Variants in CACNA1I observed in about 807,000 individuals in gnomAD.
The protein encoded by CACNA1I is voltage-dependent T-type calcium channel subunit alpha-1I.
Under a neutral mutation model 201.6 loss-of-function variants are expected in CACNA1I, and 74 were observed. The ratio of observed to expected loss-of-function variants is 0.37; its 90% CI spans 0.30 to 0.45. The LOEUF (loss-of-function observed/expected upper bound fraction) is 0.45. Ranked by LOEUF, CACNA1I falls within the 20% of genes least tolerant of loss-of-function variation. The pLI, the probability that CACNA1I is intolerant of heterozygous loss-of-function variation, is 1.00. For synonymous variants in CACNA1I, 1,431 were observed against 1,345.2 expected (o/e 1.06, Z -1.40); for missense variants, 2,346 against 3,138.1 (o/e 0.75, Z 6.03).
rs1225473859 is a variant in CACNA1I at position 39,687,103 on chromosome 22, CTT to C, written c.*700_*701del. 2 of 152,172 alleles carry C rather than the reference CTT, an allele frequency of 1.3e-5. No homozygotes were observed. Among genetic ancestry groups the C allele is most frequent in the African/African-American group, 4.8e-5 (2 of 41,418 alleles). The allele number at this position is 152,172 out of a possible 1,614,324, so 9.4% of individuals were successfully genotyped here. A position where few individuals can be genotyped will look rare whatever the true frequency, so the allele number is the denominator to read the frequency against. On this transcript the variant is annotated 3_prime_UTR_variant, in exon 37 of 37. Transcript: ENST00000402142. ...CTTAGTCCACCGGTTAGATGTCTCT[CTT>C]TAGAAAAATCAGGGGTGAGTAGCTG... is the stretch of plus-strand genomic sequence containing the variant.
intron 20 of CACNA1I, 137 bp from the exon 21 acceptor site, chr22:39,664,602 C>T (rs1935124841): frequency 3.5e-6 from 2 of 563,664 alleles, no homozygotes; most frequent in East Asian, 3.2e-5. Flanking sequence ...CCCTTCGGCC[C>T]CGCCACTTGC....
At chr22:39,601,165 G>A (rs713733) in intron 3 of CACNA1I, among the ~76,000 whole-genome samples, 55,388 of 152,068 alleles carry the variant, frequency 0.36, 11,883 homozygotes, top group Non-Finnish European at 0.49. Context: ...TCTGGGTCTT[G>A]TGCCTGCTTT....
In CACNA1I at chr22:39,570,800, C is replaced by A; in HGVS notation, c.48C>A (p.Ala16=). 6.2e-7 allele frequency: 1 copy of A among 1,613,086 alleles called. No individual in the cohort carries two copies. Among genetic ancestry groups the A allele is most frequent in the South Asian group, 1.1e-5 (1 of 91,032 alleles). The change falls in exon 1 of 37, where the codon GCC becomes GCA. Residue 16 remains alanine, a synonymous_variant. Transcript: ENST00000402142. ...SPPSSSAAAP[A]AEPGVTTEQP... is the part of the protein sequence containing the mutation. ...CCTCCTCATCTGCAGCAGCCCCAGC[C>A]GCTGAGCCAGGAGTCACCACGGAGC...
At chr22:39,656,733 T>C (rs753662366) in intron 10 of CACNA1I, 2 of 519,068 alleles carry the variant, frequency 3.9e-6, no homozygotes, top group South Asian at 2.8e-5. Flanking sequence ...CTTGGTTCAG[T>C]GCCCTGCCTT....
At position 39,574,703 on chromosome 22, in the gene CACNA1I, T is replaced by C. The variant is rs552692464; in HGVS notation, c.236+3715T>C. Among the ~76,000 whole-genome samples, 7 of 152,328 alleles carry C rather than the reference T, an allele frequency of 4.6e-5. No homozygotes were observed. The South Asian group carries it at 1.4e-3, about 32-fold the overall frequency. ...CTTCAATCATTGTGACTACCATAAATGACCTTTCACATGTCTAGACCCTGC... is the reference window on the plus strand; with the variant it reads ...CTTCAATCATTGTGACTACCATAAACGACCTTTCACATGTCTAGACCCTGC... On this transcript the variant is annotated intron_variant, in intron 1 of 36. Coordinates refer to ENST00000402142, the MANE Select transcript of CACNA1I (RefSeq NM_021096.4).
At chr22:39,623,378 G>A (rs984102725) in intron 4 of CACNA1I, among the ~76,000 whole-genome samples, 4 of 152,122 alleles carry the variant, frequency 2.6e-5, no homozygotes, top group African/African-American at 9.7e-5. Context: ...GCACAAGTGA[G>A]CAAATGTGAA....
chr22:39,635,090 G>T (rs1269689372), intron 5 of CACNA1I, among the ~76,000 whole-genome samples: 1 of 152,172 alleles, frequency 6.6e-6, no homozygotes, highest in African/African-American at 2.4e-5. Context: ...GATCTTGGAG[G>T]AGCTGGGCTT....
At position 39,629,197 on chromosome 22, in the gene CACNA1I, C is replaced by T. The variant is rs1038805065; in HGVS notation, c.581-5368C>T. ...CAGTGCTGTCTAGAGACCGTCCTCA[C>T]CCTGGTGCTCCACATGACGCTCCCG... On this transcript the variant is annotated intron_variant, in intron 4 of 36. Coordinates refer to ENST00000402142, the MANE Select transcript of CACNA1I (RefSeq NM_021096.4). The surrounding 1 kb of genome is among the most constrained non-coding windows in gnomAD (Gnocchi z 4.8). Among the ~76,000 whole-genome samples the T allele has an allele frequency of 6.6e-6, 1 of 152,266 alleles. No homozygotes were observed. Among genetic ancestry groups the T allele is most frequent in the Non-Finnish European group, 1.5e-5 (1 of 68,024 alleles).
chr22:39,657,684 G>A (rs1319783715), intron 10 of CACNA1I, among the ~76,000 whole-genome samples: 6 of 145,566 alleles, frequency 4.1e-5, no homozygotes, highest in Admixed American at 4.0e-4. Context: ...TCTTGTGAGG[G>A]GCTAAGTGAA....
intron 24 of CACNA1I, 44 bp from the exon 25 acceptor site, chr22:39,669,994 T>C: frequency 6.2e-7 from 1 of 1,603,666 alleles, no homozygotes; most frequent in Non-Finnish European, 8.5e-7. Flanking sequence ...CATGGCCCTG[T>C]AGGGCCCAAT....
chr22:39,664,595 T>G, intron 20 of CACNA1I, 144 bp from the exon 21 acceptor site: 4 of 520,846 alleles, frequency 7.7e-6, no homozygotes, highest in Non-Finnish European at 1.1e-5. Flanking sequence ...TCCCCTTCCC[T>G]TCGGCCCCGC....
In CACNA1I at chr22:39,686,883, G is replaced by C. The variant is rs1002452019; in HGVS notation, c.*478G>C. 9 of 151,480 alleles carry C rather than the reference G, an allele frequency of 5.9e-5. No individual in the cohort carries two copies. The highest frequency in any genetic ancestry group is 1.9e-4 in the African/African-American group (8 of 41,270). The allele number at this position is 151,480 out of a possible 1,614,324, so 9.4% of individuals were successfully genotyped here. On this transcript the variant is annotated 3_prime_UTR_variant, in exon 37 of 37. Coordinates refer to ENST00000402142, the MANE Select transcript of CACNA1I (RefSeq NM_021096.4). ...CCCTGGTTAAGAGTAGCTTGGAGAG[G>C]ACCCTCAGGCCTCTGAGGGCACCAG...
chr22:39,594,212 C>T (rs1195976853), intron 1 of CACNA1I, among the ~76,000 whole-genome samples: 4 of 152,158 alleles, frequency 2.6e-5, no homozygotes, highest in Non-Finnish European at 2.9e-5. Flanking sequence ...GTAAAATGGG[C>T]CTGCTGACCT....
At chr22:39,661,471 T>G (rs1000304981) in intron 16 of CACNA1I, among the ~76,000 whole-genome samples, 161 bp downstream of exon 16, 5 of 151,956 alleles carry the variant, frequency 3.3e-5, no homozygotes, top group Admixed American at 1.3e-4. Context: ...AGTGCCAGAG[T>G]GGGACCTGGC....
intron 1 of CACNA1I, among the ~76,000 whole-genome samples, chr22:39,589,570 A>G (rs1348226729): frequency 1.3e-5 from 2 of 152,224 alleles, no homozygotes; most frequent in Non-Finnish European, 2.9e-5. Context: ...ACAGGGATGC[A>G]CACGGGCACC....
At chr22:39,611,225 C>CGTAA (rs1933378291) in intron 3 of CACNA1I, among the ~76,000 whole-genome samples, 1 of 152,180 alleles carries the variant, frequency 6.6e-6, no homozygotes, top group African/African-American at 2.4e-5. Context: ...GATGGTGTTA[C>CGTAA]ATCCTGACAA....
chr22:39,640,744 T>C, intron 5 of CACNA1I, 123 bp from the exon 6 acceptor site: 1 of 776,716 alleles, frequency 1.3e-6, no homozygotes, highest in Middle Eastern at 3.8e-4. Context: ...GGGAACAGCA[T>C]GTGCCAAGGC....
chr22:39,601,492 G>C (rs1329265480), intron 3 of CACNA1I, among the ~76,000 whole-genome samples: 1 of 152,194 alleles, frequency 6.6e-6, no homozygotes, highest in Non-Finnish European at 1.5e-5. Context: ...TGAAGGATGA[G>C]GAGACATTAA....
rs1458611747 is a variant in CACNA1I at position 39,629,980 on chromosome 22, C to G, written c.581-4585C>G. Among the ~76,000 whole-genome samples the G allele has an allele frequency of 1.3e-5, 2 of 152,222 alleles. No homozygotes were observed. Among genetic ancestry groups the G allele is most frequent in the Admixed American group, 1.3e-4 (2 of 15,292 alleles). On this transcript the variant is annotated intron_variant, in intron 4 of 36. Transcript: ENST00000402142. The surrounding 1 kb of genome is among the most constrained non-coding windows in gnomAD (Gnocchi z 4.8). ...GGAGAAGCTCAAGTCTTCCAGCCCC[C>G]TGGCCCTGTCTCCTCCCCAGCCTCA...
Sources: gnomAD v4.1 joint callset for allele counts (sites outside exome capture counted in the v4.1 genomes callset) on GRCh38, gnomAD v4.1.1 for gene constraint, Gnocchi (gnomAD v3.1) non-coding constraint, MANE v1.5 for transcripts, NCBI Gene and HGNC (gene_info 2026-07-23, HGNC 2026-07-21) for gene names.